The following MYO6 variants were observed in gnomAD, a reference collection of about 807,000 sequenced individuals.
MYO6 encodes the protein myosin VI.
A neutral mutation model predicts 178.7 loss-of-function variants in MYO6; 74 were observed. That is an observed-to-expected ratio of 0.41 (90% confidence interval 0.34 to 0.50). The LOEUF is 0.50. Ranked by LOEUF, MYO6 falls within the 20% of genes least tolerant of loss-of-function variation. The probability of loss-of-function intolerance (pLI) is 0.09; values close to 1 mark genes in which losing one functional copy is unlikely to be tolerated. For missense variants in MYO6, 1,330 were observed against 1,547.4 expected, an observed-to-expected ratio of 0.86 and a Z score of 2.36; for synonymous variants, 477 against 504.6, an observed-to-expected ratio of 0.95 and a Z score of 0.73.
At chr6:75,804,855 C>CACATATATATGCGCATATATAT (rs1458251544) in intron 1 of MYO6, among the ~76,000 whole-genome samples, 1 of 146,814 alleles carries the variant, frequency 6.8e-6, no homozygotes, top group African/African-American at 2.6e-5. Flanking sequence ...CATATATATA[C>CACATATATATGCGCATATATAT]ACATATATAT....
intron 30 of MYO6, 61 bp downstream of exon 30, chr6:75,898,472 T>C: frequency 1.4e-6 from 2 of 1,384,052 alleles, no homozygotes; most frequent in South Asian, 1.2e-5. Flanking sequence ...TTTAAATTAC[T>C]TTTGATTATT....
chr6:75,826,616 A>T (rs1280049), intron 3 of MYO6, among the ~76,000 whole-genome samples: 2 of 151,830 alleles, frequency 1.3e-5, no homozygotes, highest in Non-Finnish European at 2.9e-5. Flanking sequence ...TCCAGGGGAC[A>T]AGGATGGAAG....
rs189536718 is a variant in MYO6, at chr6:75,848,300, T to A, written c.898-51T>A. 445 of 1,521,422 alleles carry A rather than the reference T, an allele frequency of 2.9e-4. 4 individuals carry two copies. The highest frequency in any genetic ancestry group is 2.7e-3 in the South Asian group (238 of 89,060). 94.2% of individuals were successfully genotyped at this position (1,521,422 alleles called of 1,614,324 possible). ...AATTGACCTGGTGTAGTAGTTTTAG[T>A]GTACTTAAATAATGTAACGATCAGT... On this transcript the variant is annotated intron_variant, in intron 10 of 34. Coordinates refer to ENST00000369977, the MANE Select transcript of MYO6 (RefSeq NM_004999.4).
intron 1 of MYO6, among the ~76,000 whole-genome samples, chr6:75,768,473 T>C (rs1778634903): frequency 6.7e-6 from 1 of 150,052 alleles, no homozygotes; most frequent in Non-Finnish European, 1.5e-5. Context: ...CTCCGCTTCC[T>C]GGGCTCATGT....
At chr6:75,843,090 T>C (rs1243650017) in intron 9 of MYO6, among the ~76,000 whole-genome samples, 1 of 152,172 alleles carries the variant, frequency 6.6e-6, no homozygotes, top group Non-Finnish European at 1.5e-5. Context: ...CCCACTACTA[T>C]ATCCACTTCC....
chr6:75,787,644 C>CATAT (rs368613522), intron 1 of MYO6, among the ~76,000 whole-genome samples: 5 of 116,398 alleles, frequency 4.3e-5, no homozygotes, highest in African/African-American at 1.6e-4. Flanking sequence ...GGAACTATTC[C>CATAT]ATATATATAT....
chr6:75,892,035 A>G (rs1422495195), intron 27 of MYO6, among the ~76,000 whole-genome samples: 5 of 152,202 alleles, frequency 3.3e-5, no homozygotes, highest in African/African-American at 1.2e-4. Flanking sequence ...TTAAAATATC[A>G]TATAACTTTG....
intron 12 of MYO6, 128 bp downstream of exon 12, chr6:75,855,411 C>G: frequency 1.1e-6 from 1 of 877,194 alleles, no homozygotes; most frequent in Non-Finnish European, 1.8e-6. Context: ...GTGTAGTAAT[C>G]CACCATATAA....
intron 9 of MYO6, among the ~76,000 whole-genome samples, chr6:75,843,135 G>A (rs969056364): frequency 2.6e-5 from 4 of 152,170 alleles, no homozygotes; most frequent in African/African-American, 9.6e-5. Flanking sequence ...ACTTGAAAGT[G>A]TGTTAGTGAT....
At chr6:75,766,088 C>T (rs773102738) in intron 1 of MYO6, among the ~76,000 whole-genome samples, 2 of 152,038 alleles carry the variant, frequency 1.3e-5, no homozygotes, top group South Asian at 2.1e-4. Context: ...TTTTGAAGGC[C>T]GAGGCGGGCA....
At chr6:75,785,473 CTTTTTTT>C (rs11325534) in intron 1 of MYO6, among the ~76,000 whole-genome samples, 1 of 126,542 alleles carries the variant, frequency 7.9e-6, no homozygotes, top group Non-Finnish European at 1.6e-5. Context: ...CTTTTCTTTT[CTTTTTTT>C]TTTTTTTTTG....
chr6:75,885,836 A>G (rs537138392), intron 23 of MYO6, among the ~76,000 whole-genome samples, 168 bp from the exon 24 acceptor site: 5 of 152,330 alleles, frequency 3.3e-5, no homozygotes, highest in African/African-American at 1.2e-4. Flanking sequence ...CAAAACAAAA[A>G]CAAACAAAAA....
At chr6:75,762,091 C>G (rs985156966) in intron 1 of MYO6, among the ~76,000 whole-genome samples, 22 of 152,192 alleles carry the variant, frequency 1.4e-4, no homozygotes, top group African/African-American at 5.1e-4. Flanking sequence ...GCCACCACGC[C>G]CAGCTAATTT....
chr6:75,883,201 A>G (rs1778179294), intron 23 of MYO6, among the ~76,000 whole-genome samples: 2 of 152,146 alleles, frequency 1.3e-5, no homozygotes, highest in Non-Finnish European at 2.9e-5. Flanking sequence ...CATAATTAAA[A>G]AATGCTAACA....
rs750374337 is a variant in MYO6 at position 75,840,595 on chromosome 6, C to T, written c.564C>T (p.Leu188=). The T allele has an allele frequency of 8.7e-6, 14 of 1,613,404 alleles. No individual in the cohort carries two copies. Among genetic ancestry groups the T allele is most frequent in the Admixed American group, 8.3e-5 (5 of 59,986 alleles). ...TTTGTTTCTCAATAGCTAACCCACT[C>T]CTAGAAGCCTTTGGAAATGCGAAGA... is the stretch of plus-strand genomic sequence containing the variant. ...IDDRIVEANP[L]LEAFGNAKTV... Residue 188 remains leucine, a synonymous_variant, in exon 8 of 35, where the codon CTC becomes CTT. Transcript: ENST00000369977.
intron 1 of MYO6, among the ~76,000 whole-genome samples, chr6:75,802,646 C>CA (rs1258488451): frequency 1.3e-5 from 2 of 151,856 alleles, no homozygotes; most frequent in African/African-American, 4.8e-5. Flanking sequence ...CCACTTCACC[C>CA]AGCTAGTTTT....
intron 30 of MYO6, among the ~76,000 whole-genome samples, chr6:75,905,719 C>T (rs995416276): frequency 1.3e-5 from 2 of 152,250 alleles, no homozygotes; most frequent in Non-Finnish European, 1.5e-5. Flanking sequence ...AGAGCTGTTC[C>T]TATTCGGCCA....
chr6:75,786,684 C>G (rs1767595546), intron 1 of MYO6, among the ~76,000 whole-genome samples: 1 of 152,164 alleles, frequency 6.6e-6, no homozygotes, highest in Non-Finnish European at 1.5e-5. Context: ...TTCCTGCATA[C>G]CCTTTACCCA....
chr6:75,769,916 G>A (rs79661990), intron 1 of MYO6, among the ~76,000 whole-genome samples: 2 of 151,634 alleles, frequency 1.3e-5, no homozygotes, highest in African/African-American at 4.8e-5. Context: ...AAAAAAAAAA[G>A]AATAGAGTTG....
Sources: allele counts gnomAD v4.1 joint callset (sites outside exome capture counted in the v4.1 genomes callset), GRCh38; gene constraint gnomAD v4.1.1; transcripts MANE v1.5; gene names NCBI Gene and HGNC (gene_info 2026-07-23, HGNC 2026-07-21).